The following GLIS1 variants were observed in gnomAD, a reference collection of about 807,000 sequenced individuals.
GLIS1 encodes zinc finger protein GLIS1.
GLIS1 carries 24 observed loss-of-function variants against 63.8 expected under a neutral mutation model. That is an observed-to-expected ratio of 0.38 (90% CI 0.27 to 0.53). The LOEUF (loss-of-function observed/expected upper bound fraction) is 0.53, where lower values mean the gene tolerates loss of function less well. GLIS1 is among the 20% of genes least tolerant of loss of function. GLIS1 has a pLI of 0.85. For synonymous variants in GLIS1, 450 were observed against 482.5 expected, an observed-to-expected ratio of 0.93 and a Z score of 0.88; for missense variants, 1,036 against 1,074.1, an observed-to-expected ratio of 0.96 and a Z score of 0.50.
intron 2 of GLIS1, among the ~76,000 whole-genome samples, chr1:53,649,399 T>G (rs902035187): frequency 6.6e-6 from 1 of 152,236 alleles, no homozygotes; most frequent in African/African-American, 2.4e-5. Context: ...GTTGTGAGTA[T>G]CTGTGAGGTG....
At chr1:53,596,423 C>G (rs965385984) in intron 3 of GLIS1, among the ~76,000 whole-genome samples, 3 of 152,148 alleles carry the variant, frequency 2.0e-5, no homozygotes, top group African/African-American at 7.2e-5. Flanking sequence ...TGGTGCTATG[C>G]CTGAAGTCTG....
intron 2 of GLIS1, among the ~76,000 whole-genome samples, chr1:53,703,635 T>C (rs1646547033): frequency 7.3e-6 from 1 of 136,146 alleles, no homozygotes; most frequent in African/African-American, 2.8e-5. Context: ...TGAGACCCTG[T>C]CTCTAAAAAA....
In GLIS1 at chr1:53,638,909, A is replaced by AC. The variant is rs1645756356; in HGVS notation, c.260-38632dup. Reference sequence around the variant, plus strand: ...GCCCTGGGTGACCTGAAGGTTTCAGACAATCACAGTCCCTCTTGTGGTCTG... The same window carrying AC: ...GCCCTGGGTGACCTGAAGGTTTCAGACCAATCACAGTCCCTCTTGTGGTCTG... On this transcript the variant is annotated intron_variant, in intron 2 of 10. Transcript: ENST00000628545. 2.6e-5 allele frequency among the ~76,000 whole-genome samples: 4 copies of AC among 152,260 alleles called. No individual in the cohort carries two copies. The South Asian group carries it at 8.3e-4, about 32-fold the overall frequency.
chr1:53,730,797 G>T (rs1054306010), intron 2 of GLIS1, among the ~76,000 whole-genome samples: 1 of 152,174 alleles, frequency 6.6e-6, no homozygotes, highest in African/African-American at 2.4e-5. Context: ...GCAACCAGCC[G>T]TGGGACCTTT....
chr1:53,720,459 A>G (rs1646742456), intron 2 of GLIS1, among the ~76,000 whole-genome samples: 1 of 152,178 alleles, frequency 6.6e-6, no homozygotes, highest in Non-Finnish European at 1.5e-5. Context: ...GTTCTCATGG[A>G]GGTAGAGGGT....
rs372082170 is a variant in GLIS1, at chr1:53,628,257, G to A, written c.260-27979C>T. On this transcript the variant is annotated intron_variant, in intron 2 of 10. Coordinates refer to ENST00000628545, the MANE Select transcript of GLIS1 (RefSeq NM_001367484.1). ...CTGATCTCAATAGTGTGCCCCAGATGACAGCATTTTAGTGTTTGTCTTATT... is the reference window on the plus strand; with the variant it reads ...CTGATCTCAATAGTGTGCCCCAGATAACAGCATTTTAGTGTTTGTCTTATT... Among the ~76,000 whole-genome samples the A allele has an allele frequency of 1.2e-4, 19 of 152,306 alleles. No individual in the cohort carries two copies. In the South Asian group the frequency reaches 3.3e-3, roughly 27 times the overall value.
rs140157921 is a variant in GLIS1 at position 53,690,183 on chromosome 1, T to C, written c.259+47623A>G. On this transcript the variant is annotated intron_variant, in intron 2 of 10. Coordinates refer to ENST00000628545, the MANE Select transcript of GLIS1 (RefSeq NM_001367484.1). The stretch of plus-strand genomic sequence containing the variant: ...GAACAGGAATCAAACATCAACCACA[T>C]GTGCACAGTGATGGCATCAGGCCAG... 1.2e-4 allele frequency among the ~76,000 whole-genome samples: 19 copies of C among 152,320 alleles called. No individual in the cohort carries two copies. The East Asian group carries it at 3.5e-3, about 28-fold the overall frequency.
chr1:53,718,674 T>C (rs1646723349), intron 2 of GLIS1, among the ~76,000 whole-genome samples: 2 of 152,196 alleles, frequency 1.3e-5, no homozygotes, highest in Middle Eastern at 3.4e-3. Flanking sequence ...TAAGACTCCA[T>C]CTGCAGACTT....
chr1:53,729,273 G>A (rs1015920908), intron 2 of GLIS1, among the ~76,000 whole-genome samples: 1 of 152,152 alleles, frequency 6.6e-6, no homozygotes, highest in Non-Finnish European at 1.5e-5. Context: ...CAAGCCGCTC[G>A]ATCTGTTTGA....
intron 4 of GLIS1, among the ~76,000 whole-genome samples, chr1:53,535,584 T>A (rs1397157009): frequency 6.6e-6 from 1 of 151,866 alleles, no homozygotes; most frequent in Non-Finnish European, 1.5e-5. Context: ...ACATGTTCCC[T>A]CCTCTCTGGG....
At chr1:53,693,911 G>A (rs909636955) in intron 2 of GLIS1, among the ~76,000 whole-genome samples, 2 of 152,228 alleles carry the variant, frequency 1.3e-5, no homozygotes, top group East Asian at 1.9e-4. Context: ...GAAACATGAC[G>A]CAGACATGAG....
intron 2 of GLIS1, among the ~76,000 whole-genome samples, chr1:53,670,558 T>C (rs1269708992): frequency 6.6e-6 from 1 of 152,222 alleles, no homozygotes; most frequent in Non-Finnish European, 1.5e-5. Context: ...GAAGACACCT[T>C]CCATCCAACC....
intron 4 of GLIS1, among the ~76,000 whole-genome samples, chr1:53,554,705 G>A (rs1450334085): frequency 6.6e-6 from 1 of 152,136 alleles, no homozygotes; most frequent in Non-Finnish European, 1.5e-5. Context: ...AGCAACACAG[G>A]CCCCACCAAG....
At chr1:53,702,433 C>T (rs368152786) in intron 2 of GLIS1, among the ~76,000 whole-genome samples, 1 of 152,258 alleles carries the variant, frequency 6.6e-6, no homozygotes, top group African/African-American at 2.4e-5. Context: ...AAGCCTCCCC[C>T]GGCATCTGCC....
chr1:53,545,596 C>T (rs1644689571), intron 4 of GLIS1, among the ~76,000 whole-genome samples: 2 of 152,166 alleles, frequency 1.3e-5, no homozygotes, highest in South Asian at 4.1e-4. Context: ...AAAAATACTC[C>T]AAAATATTAA....
At chr1:53,633,391 A>G (rs531646537) in intron 2 of GLIS1, among the ~76,000 whole-genome samples, 42 of 129,008 alleles carry the variant, frequency 3.3e-4, no homozygotes, top group Admixed American at 1.4e-3. Context: ...GGGCTTGTGA[A>G]TGAGTGTGAC....
At chr1:53,519,218 A>G (rs1268007798) in intron 7 of GLIS1, among the ~76,000 whole-genome samples, 2 of 152,112 alleles carry the variant, frequency 1.3e-5, no homozygotes, top group African/African-American at 4.8e-5. Context: ...AGCCACACAG[A>G]GGGGTCCTCT....
rs554267885 is a variant in GLIS1, at chr1:53,593,919, C to T, written c.1320+189G>A. ...GTATGAGGGCCCCTCTGCCACGGTT[C>T]CCAGTGACAGGGGCACTGACCGTCT... On this transcript the variant is annotated intron_variant, in intron 4 of 10. Transcript: ENST00000628545. Among the ~76,000 whole-genome samples, 182 of 152,326 alleles carry T rather than the reference C, an allele frequency of 1.2e-3. 1 individual carries two copies. The highest frequency in any genetic ancestry group is 4.1e-3 in the African/African-American group (171 of 41,570).
At chr1:53,590,796 G>T (rs113553898) in intron 4 of GLIS1, among the ~76,000 whole-genome samples, 12 of 125,844 alleles carry the variant, frequency 9.5e-5, no homozygotes, top group Non-Finnish European at 1.8e-4. Flanking sequence ...AGGGCAGGGT[G>T]GGGGATGGTG....
Sources: allele counts gnomAD v4.1 joint callset (sites outside exome capture counted in the v4.1 genomes callset), GRCh38; gene constraint gnomAD v4.1.1; transcripts MANE v1.5; gene names NCBI Gene and HGNC (gene_info 2026-07-23, HGNC 2026-07-21).